ATM: variants seen among roughly 807,000 people sequenced by gnomAD.
ATM encodes the protein ATM serine/threonine kinase, also known as serine-protein kinase ATM.
Under a neutral mutation model 387.0 loss-of-function variants are expected in ATM, and 308 were observed. The ratio of observed to expected loss-of-function variants is 0.80; its 90% confidence interval spans 0.73 to 0.87. The LOEUF is 0.87. Ranked by LOEUF, ATM falls within the 40% of genes least tolerant of loss-of-function variation. The pLI, the probability that ATM is intolerant of heterozygous loss-of-function variation, is 0.00. For synonymous variants in ATM, 1,156 were observed against 1,187.3 expected (o/e 0.97, Z 0.54); for missense variants, 3,312 against 3,560.9 (o/e 0.93, Z 1.78).
chr11:108,317,196 C>T (rs1268437917), intron 42 of ATM, among the ~76,000 whole-genome samples, 177 bp from the exon 43 acceptor site: 2 of 151,962 alleles, frequency 1.3e-5, no homozygotes, highest in Non-Finnish European at 2.9e-5. Flanking sequence ...GCCTCAGCCT[C>T]CCAAAGTGCT....
intron 54 of ATM, 73 bp from the exon 55 acceptor site, chr11:108,334,896 T>C: frequency 1.3e-6 from 2 of 1,510,760 alleles, no homozygotes; most frequent in Admixed American, 3.4e-5. Context: ...AAAATTGCCA[T>C]TTATAATGTA....
chr11:108,322,669 C>T (rs895223373), intron 45 of ATM, among the ~76,000 whole-genome samples: 4 of 152,030 alleles, frequency 2.6e-5, no homozygotes, highest in Non-Finnish European at 5.9e-5. Context: ...AGTTGATTAG[C>T]CCTAGAGAAT....
intron 61 of ATM, among the ~76,000 whole-genome samples, chr11:108,357,295 C>A (rs1036632808): frequency 6.6e-6 from 1 of 152,202 alleles, no homozygotes; most frequent in Non-Finnish European, 1.5e-5. Flanking sequence ...GAGGGTCCTA[C>A]GCCCACGGAG....
Position 108,365,465 on chromosome 11 carries a change from A to C in ATM, c.9128A>C (p.Lys3043Thr). 6.2e-7 allele frequency: 1 copy of C among 1,614,194 alleles called. No homozygotes were observed. The highest frequency in any genetic ancestry group is 8.5e-7 in the Non-Finnish European group (1 of 1,180,040). ...CTCATACAGCAGGCCATAGACCCCAAAAATCTCAGCCGACTTTTCCCAGGA... is the reference window on the plus strand; with the variant it reads ...CTCATACAGCAGGCCATAGACCCCACAAATCTCAGCCGACTTTTCCCAGGA... Reference protein sequence around the residue: ...NLLIQQAIDPKNLSRLFPGWK... With the variant: ...NLLIQQAIDPTNLSRLFPGWK... Residue 3043 changes from lysine (K) to threonine (T), a missense_variant, in exon 63 of 63, where the codon AAA (lysine) becomes ACA (threonine). Lys to Thr is a moderately conservative substitution (Grantham distance 78). Coordinates refer to ENST00000675843, the MANE Select transcript of ATM (RefSeq NM_000051.4).
At chr11:108,331,092 A>G (rs535122948) in intron 50 of ATM, 94 of 920,030 alleles carry the variant, frequency 1.0e-4, no homozygotes, top group East Asian at 4.5e-4. Context: ...GGGAAAAGCA[A>G]TTACTTCATT....
In ATM at chr11:108,365,317, GTCC is replaced by G. The variant is rs767175242; in HGVS notation, c.8988-6_8988-4del. ...ACCTCACTGAAACCTTTGTGTTTTT[GTCC>G]TTAGTGATATTGACCAGAGTTTCAA... is the stretch of plus-strand genomic sequence containing the variant. On this transcript the variant is annotated splice_region_variant and splice_polypyrimidine_tract_variant and intron_variant, in intron 62 of 62. Transcript: ENST00000675843. The G allele has an allele frequency of 1.2e-6, 2 of 1,614,152 alleles. No homozygotes were observed. Among genetic ancestry groups the G allele is most frequent in the East Asian group, 4.5e-5 (2 of 44,884 alleles).
chr11:108,251,701 G>A (rs776062871), intron 10 of ATM, 136 bp from the exon 11 acceptor site: 83 of 845,016 alleles, frequency 9.8e-5, no homozygotes, highest in Non-Finnish European at 1.6e-4. Context: ...CTTCCCAAAT[G>A]TAATCAGACT....
At chr11:108,234,910 G>T (rs753157328) in intron 4 of ATM, among the ~76,000 whole-genome samples, 3 of 151,854 alleles carry the variant, frequency 2.0e-5, no homozygotes, top group Non-Finnish European at 2.9e-5. Context: ...AACTAATTTT[G>T]CTTTCCAAGG....
chr11:108,321,804 T>C (rs1016076438), intron 45 of ATM, among the ~76,000 whole-genome samples: 1 of 151,804 alleles, frequency 6.6e-6, no homozygotes, highest in Non-Finnish European at 1.5e-5. Context: ...AAAAAAACTA[T>C]GTAGAGACCA....
intron 49 of ATM, 104 bp from the exon 50 acceptor site, chr11:108,330,110 A>G: frequency 1.5e-6 from 2 of 1,350,894 alleles, no homozygotes; most frequent in Non-Finnish European, 2.1e-6. Flanking sequence ...TTTCCCTGGG[A>G]TAAAAACCCA....
chr11:108,327,260 T>C, intron 47 of ATM: 1 of 264,560 alleles, frequency 3.8e-6, no homozygotes, highest in Non-Finnish European at 7.4e-6. Context: ...CTGAAGTATG[T>C]GCTGTCTGGA....
chr11:108,332,971 G>T (rs2136580725), intron 53 of ATM, 71 bp downstream of exon 53: 1 of 1,536,966 alleles, frequency 6.5e-7, no homozygotes, highest in Non-Finnish European at 8.9e-7. Context: ...ATTAGTTATA[G>T]AGCCTAATAA....
rs2137083750 is a variant in ATM, at chr11:108,347,341, G to A, written c.8647G>A (p.Ala2883Thr). ...VQNILINEQS[A>T]ELVHIDLGVA... Reference sequence around the variant, plus strand: ...GAATATCTTGATAAATGAGCAGTCAGCAGAACTTGTACATATAGATCTAGG... The same window carrying A: ...GAATATCTTGATAAATGAGCAGTCAACAGAACTTGTACATATAGATCTAGG... Residue 2883 changes from alanine (A) to threonine (T), a missense_variant, in exon 59 of 63, where the codon GCA becomes ACA. Around this residue, in one of 4 missense-constraint regions of ATM, gnomAD observed 1,405 missense variants for 1,604.4 expected, o/e 0.88. Coordinates refer to ENST00000675843, the MANE Select transcript of ATM (RefSeq NM_000051.4). 1 of 1,609,082 alleles carries A rather than the reference G, an allele frequency of 6.2e-7. No homozygotes were observed. Among genetic ancestry groups the A allele is most frequent in the Non-Finnish European group, 8.5e-7 (1 of 1,175,700 alleles).
rs2137289494 is a variant in ATM, at chr11:108,353,808, C to T, written c.8714C>T (p.Thr2905Ile). ...EQGKILPTPE[T>I]VPFRLTRDIV... ...GGCAAAATCCTTCCTACTCCTGAGACAGTTCCTTTTAGACTCACCAGAGAT... is the reference window on the plus strand; with the variant it reads ...GGCAAAATCCTTCCTACTCCTGAGATAGTTCCTTTTAGACTCACCAGAGAT... Residue 2905 changes from threonine (T) to isoleucine (I), a missense_variant, in exon 60 of 63, where the codon ACA becomes ATA. Coordinates refer to ENST00000675843, the MANE Select transcript of ATM (RefSeq NM_000051.4). The T allele has an allele frequency of 6.2e-7, 1 of 1,614,096 alleles. No homozygotes were observed. Among genetic ancestry groups the T allele is most frequent in the Non-Finnish European group, 8.5e-7 (1 of 1,179,992 alleles).
chr11:108,285,776 G>T (rs1340408874), intron 26 of ATM, among the ~76,000 whole-genome samples: 1 of 152,090 alleles, frequency 6.6e-6, no homozygotes, highest in African/African-American at 2.4e-5. Context: ...ACAGAAATAG[G>T]CACTCCAGAG....
At chr11:108,278,586 C>T (rs2082066684) in intron 22 of ATM, among the ~76,000 whole-genome samples, 1 of 152,066 alleles carries the variant, frequency 6.6e-6, no homozygotes, top group African/African-American at 2.4e-5. Context: ...ATGGCGTCTA[C>T]ATCTGGTAAG....
intron 7 of ATM, among the ~76,000 whole-genome samples, 172 bp from the exon 8 acceptor site, chr11:108,246,792 T>C (rs2079868164): frequency 6.6e-6 from 1 of 152,214 alleles, no homozygotes; most frequent in African/African-American, 2.4e-5. Flanking sequence ...TGGACAGTTA[T>C]GAAATAGAGT....
intron 22 of ATM, among the ~76,000 whole-genome samples, chr11:108,274,775 T>C (rs1375516793): frequency 6.6e-6 from 1 of 152,236 alleles, no homozygotes; most frequent in Non-Finnish European, 1.5e-5. Flanking sequence ...GAGGTTTGTT[T>C]TACTTTCAAT....
At chr11:108,262,182 C>T (rs928468812) in intron 16 of ATM, among the ~76,000 whole-genome samples, 1 of 152,158 alleles carries the variant, frequency 6.6e-6, no homozygotes, top group Non-Finnish European at 1.5e-5. Flanking sequence ...ACATAATTGT[C>T]AGATTCACCA....
Sources: allele counts gnomAD v4.1 joint callset (sites outside exome capture counted in the v4.1 genomes callset), GRCh38; gene constraint gnomAD v4.1.1; regional missense constraint gnomAD v4.1.1; transcripts MANE v1.5; gene names NCBI Gene and HGNC (gene_info 2026-07-23, HGNC 2026-07-21).